GPAT4: variants seen among roughly 807,000 people sequenced by gnomAD.
GPAT4 encodes 1-AGP acyltransferase 6.
In GPAT4, 17 loss-of-function variants were observed where a neutral mutation model predicts 58.0. The ratio of observed to expected loss-of-function variants is 0.29; its 90% CI spans 0.20 to 0.44. The LOEUF is 0.44. GPAT4 is among the 20% of genes least tolerant of loss of function. GPAT4 has a pLI of 1.00. For synonymous variants in GPAT4, 204 were observed against 210.1 expected (o/e 0.97, Z 0.25); for missense variants, 377 against 574.5 (o/e 0.66, Z 3.51).
intron 1 of GPAT4, among the ~76,000 whole-genome samples, chr8:41,594,244 C>A (rs968246319): frequency 6.6e-6 from 1 of 152,156 alleles, no homozygotes; most frequent in African/African-American, 2.4e-5. Context: ...TATGTTTACA[C>A]ACAGAATTTT....
intron 1 of GPAT4, among the ~76,000 whole-genome samples, chr8:41,592,956 A>AT: frequency 6.6e-6 from 1 of 152,160 alleles, no homozygotes; most frequent in East Asian, 1.9e-4. Flanking sequence ...GATCCTTTTC[A>AT]TTTTTTATCC....
intron 10 of GPAT4, among the ~76,000 whole-genome samples, chr8:41,617,099 C>A: frequency 1.3e-5 from 2 of 152,310 alleles, no homozygotes; most frequent in Middle Eastern, 6.8e-3. Context: ...CAGTGGTTCA[C>A]GCCTGTAATC....
intron 1 of GPAT4, among the ~76,000 whole-genome samples, chr8:41,580,471 A>G (rs1802482995): frequency 6.6e-6 from 1 of 152,194 alleles, no homozygotes; most frequent in Non-Finnish European, 1.5e-5. Flanking sequence ...TGCATTTCCT[A>G]GCAAAATTTA....
intron 1 of GPAT4, among the ~76,000 whole-genome samples, chr8:41,590,489 C>T (rs543972924): frequency 6.6e-6 from 1 of 152,348 alleles, no homozygotes; most frequent in Admixed American, 6.5e-5. Context: ...CAACTCTCTG[C>T]AGCCCTGGGT....
intron 2 of GPAT4, among the ~76,000 whole-genome samples, chr8:41,600,062 A>G (rs577220391): frequency 0.012 from 630 of 52,698 alleles, 5 homozygotes; most frequent in Non-Finnish European, 0.02. Context: ...TTTCGAGACA[A>G]GAGTCTCACT....
At position 41,609,960 on chromosome 8, in the gene GPAT4, G is replaced by A; in HGVS notation, c.536+5G>A. ...CTGCTTTCTGCTGCCGCTCAGGTGAGGCAGGGCCTGCGGGAGTGGGGCTCG... is the reference window on the plus strand; with the variant it reads ...CTGCTTTCTGCTGCCGCTCAGGTGAAGCAGGGCCTGCGGGAGTGGGGCTCG... On this transcript the variant is annotated splice_donor_5th_base_variant and intron_variant, in intron 4 of 12. Coordinates refer to ENST00000396987, the MANE Select transcript of GPAT4 (RefSeq NM_178819.4). 1 of 1,592,478 alleles carries A rather than the reference G, an allele frequency of 6.3e-7. No homozygotes were observed. The highest frequency in any genetic ancestry group is 8.6e-7 in the Non-Finnish European group (1 of 1,167,314).
At chr8:41,593,713 C>T (rs189186248) in intron 1 of GPAT4, among the ~76,000 whole-genome samples, 17 of 152,282 alleles carry the variant, frequency 1.1e-4, no homozygotes, top group African/African-American at 3.9e-4. Context: ...TTGATGAGAA[C>T]GTGATCCTCA....
chr8:41,616,661 G>A (rs910075133), intron 10 of GPAT4, among the ~76,000 whole-genome samples: 3 of 152,060 alleles, frequency 2.0e-5, no homozygotes, highest in Admixed American at 6.6e-5. Context: ...ACACTGTGGC[G>A]GCCACAGTTC....
intron 1 of GPAT4, 88 bp from the exon 2 acceptor site, chr8:41,598,204 C>T (rs1802982483): frequency 6.6e-6 from 1 of 152,148 alleles, no homozygotes; most frequent in Admixed American, 6.5e-5. Flanking sequence ...TTTAGGCTTA[C>T]CCTAAAACAG....
intron 4 of GPAT4, chr8:41,610,321 T>C: frequency 1.6e-6 from 2 of 1,215,132 alleles, no homozygotes; most frequent in South Asian, 1.9e-5. Flanking sequence ...CTCTGCACCA[T>C]GTGCTGCTCT....
Position 41,607,284 on chromosome 8 carries a change from G to A in GPAT4, c.166-2132G>A, listed in dbSNP as rs144128264. On this transcript the variant is annotated intron_variant, in intron 2 of 12. Coordinates refer to ENST00000396987, the MANE Select transcript of GPAT4 (RefSeq NM_178819.4). ...TTTTTCCTAAACACAGACGTGTTTT[G>A]TCATGTTCCTGAAATTAAAAAGCAG... 5.3e-5 allele frequency among the ~76,000 whole-genome samples: 8 copies of A among 152,234 alleles called. No individual in the cohort carries two copies. In the East Asian group the frequency reaches 1.4e-3, roughly 26 times the overall value.
chr8:41,609,511 C>G, intron 3 of GPAT4, 26 bp downstream of exon 3: 1 of 1,612,534 alleles, frequency 6.2e-7, no homozygotes, highest in Non-Finnish European at 8.5e-7. Flanking sequence ...GATCCTTGTC[C>G]TGAGAGGTCC....
intron 1 of GPAT4, among the ~76,000 whole-genome samples, chr8:41,587,949 C>A (rs1386456979): frequency 3.3e-5 from 5 of 152,240 alleles, no homozygotes; most frequent in Non-Finnish European, 5.9e-5. Context: ...TCTTTGCCAT[C>A]TCACTGTAGT....
intron 7 of GPAT4, 77 bp downstream of exon 7, chr8:41,612,350 C>A: frequency 6.9e-7 from 1 of 1,447,302 alleles, no homozygotes. Context: ...GCTCCTGGAC[C>A]CTTCACATAA....
chr8:41,597,568 C>T (rs1166508297), intron 1 of GPAT4, among the ~76,000 whole-genome samples: 4 of 152,014 alleles, frequency 2.6e-5, no homozygotes, highest in Middle Eastern at 3.4e-3. Context: ...GAATTTACCC[C>T]GAAAATATAT....
At position 41,609,945 on chromosome 8, in the gene GPAT4, C is replaced by T. The variant is rs368282604; in HGVS notation, c.526C>T (p.Leu176=). The T allele has an allele frequency of 6.9e-6, 11 of 1,604,604 alleles. No individual in the cohort carries two copies. Among genetic ancestry groups the T allele is most frequent in the Non-Finnish European group, 9.4e-6 (11 of 1,173,998 alleles). The change falls in exon 4 of 13, where the codon CTG becomes TTG. Residue 176 remains leucine (L), a synonymous_variant. Coordinates refer to ENST00000396987, the MANE Select transcript of GPAT4 (RefSeq NM_178819.4). ...AGTGCTGATTCGGTACTGCTTTCTG[C>T]TGCCGCTCAGGTGAGGCAGGGCCTG... ...LGVLIRYCFL[L]PLRIALAFTG... is the part of the protein sequence containing the mutation.
At chr8:41,613,705 G>A (rs370822121) in intron 8 of GPAT4, among the ~76,000 whole-genome samples, 7 of 152,118 alleles carry the variant, frequency 4.6e-5, no homozygotes, top group South Asian at 4.2e-4. Flanking sequence ...TTGAGAGCCC[G>A]GGAGTTCGAG....
chr8:41,578,845 C>A (rs1201886543), intron 1 of GPAT4, among the ~76,000 whole-genome samples: 1 of 152,208 alleles, frequency 6.6e-6, no homozygotes, highest in Non-Finnish European at 1.5e-5. Flanking sequence ...TTGTTTATTT[C>A]CTCGCTTTCC....
intron 8 of GPAT4, 65 bp from the exon 9 acceptor site, chr8:41,614,321 A>T: frequency 7.3e-7 from 1 of 1,379,180 alleles, no homozygotes; most frequent in Non-Finnish European, 1.0e-6. Context: ...TAGGTTATTT[A>T]TAAACATATT....
Sources: allele counts gnomAD v4.1 joint callset (sites outside exome capture counted in the v4.1 genomes callset), GRCh38; gene constraint gnomAD v4.1.1; transcripts MANE v1.5; gene names NCBI Gene and HGNC (gene_info 2026-07-23, HGNC 2026-07-21).